Variants in RPF2 observed in about 807,000 individuals in gnomAD.
RPF2 encodes ribosome production factor 2 homolog, also known as brix domain containing 1.
RPF2 carries 21 observed loss-of-function variants against 38.9 expected under a neutral mutation model. That is an observed-to-expected ratio of 0.54 (90% CI 0.38 to 0.78). The LOEUF (loss-of-function observed/expected upper bound fraction) is 0.78. RPF2 is among the 30% of genes least tolerant of loss of function. RPF2 has a pLI of 0.00. For missense variants in RPF2, 314 were observed against 358.1 expected (o/e 0.88, Z 0.99); for synonymous variants, 121 against 126.2 (o/e 0.96, Z 0.28).
intron 8 of RPF2, among the ~76,000 whole-genome samples, chr6:111,020,019 A>G (rs935181977): frequency 4.0e-5 from 6 of 150,898 alleles, no homozygotes; most frequent in Admixed American, 3.3e-4. Flanking sequence ...GGTTCATGCC[A>G]TTCTCCTGCC....
In RPF2 at chr6:111,008,113, A is replaced by G. The variant is rs375387038; in HGVS notation, c.469A>G (p.Arg157Gly). ...TGATTTCGATGTAACAGAAGATTAT[A>G]GAAGACTAAAAAGTCTTCTTATTGG... The part of the protein sequence containing the change: ...GDDFDVTEDY[R>G]RLKSLLIDFF... The change falls in exon 7 of 10, where the codon AGA (arginine) becomes GGA (glycine). Residue 157 changes from arginine (R) to glycine (G), a missense_variant. Transcript: ENST00000441448. The G allele has an allele frequency of 4.4e-5, 71 of 1,602,702 alleles. No homozygotes were observed. Among genetic ancestry groups the G allele is most frequent in the Non-Finnish European group, 5.9e-5 (69 of 1,175,694 alleles).
intron 4 of RPF2, among the ~76,000 whole-genome samples, chr6:110,995,992 A>G (rs1013064911): frequency 1.3e-5 from 2 of 151,214 alleles, no homozygotes; most frequent in African/African-American, 4.9e-5. Flanking sequence ...AATTTTTTGT[A>G]TTTTTCTTAG....
At chr6:111,008,761 G>C (rs879706631) in intron 7 of RPF2, among the ~76,000 whole-genome samples, 11 of 151,840 alleles carry the variant, frequency 7.2e-5, no homozygotes, top group Admixed American at 2.6e-4. Context: ...CATTAGAAAG[G>C]GTTTATTGCC....
chr6:111,011,743 A>G (rs1772018289), intron 7 of RPF2, among the ~76,000 whole-genome samples: 1 of 152,196 alleles, frequency 6.6e-6, no homozygotes, highest in Non-Finnish European at 1.5e-5. Flanking sequence ...ACAATTTGTT[A>G]TAACAGAGAG....
rs1451221139 is a variant in RPF2 at position 111,025,778 on chromosome 6, T to C, written c.*196T>C. The stretch of plus-strand genomic sequence containing the variant: ...TTTTATTTGAGACATTACACCCTGG[T>C]GTGCCATTTTCTCTTGTGATATCCC... On this transcript the variant is annotated 3_prime_UTR_variant, in exon 10 of 10. Transcript: ENST00000441448. The C allele has an allele frequency of 2.6e-6, 1 of 386,388 alleles. No individual in the cohort carries two copies. Among genetic ancestry groups the C allele is most frequent in the African/African-American group, 2.1e-5 (1 of 48,544 alleles). The allele number at this position is 386,388 out of a possible 1,614,324, so 23.9% of individuals were successfully genotyped here.
intron 2 of RPF2, among the ~76,000 whole-genome samples, chr6:110,986,069 GAGAA>G (rs1370567448): frequency 4.6e-5 from 7 of 152,172 alleles, no homozygotes; most frequent in African/African-American, 1.7e-4. Context: ...CTCTGAGGCT[GAGAA>G]AGAAGTTTGT....
rs12209788 is a variant in RPF2 at position 111,001,881 on chromosome 6, T to A, written c.393+2094T>A. ...AACTAGACCACAGTCCAGGCTCTCATGCCTGTAAGCCCATCACTTTGGGAG... is the reference window on the plus strand; with the variant it reads ...AACTAGACCACAGTCCAGGCTCTCAAGCCTGTAAGCCCATCACTTTGGGAG... On this transcript the variant is annotated intron_variant, in intron 6 of 9. Transcript: ENST00000441448. Among the ~76,000 whole-genome samples, 4 of 152,328 alleles carry A rather than the reference T, an allele frequency of 2.6e-5. No individual in the cohort carries two copies. In the East Asian group the frequency reaches 7.7e-4, roughly 29 times the overall value.
chr6:111,007,666 C>T (rs1771935124), intron 6 of RPF2, among the ~76,000 whole-genome samples: 2 of 152,038 alleles, frequency 1.3e-5, no homozygotes, highest in Admixed American at 6.6e-5. Flanking sequence ...CAGTATAGGC[C>T]AGGCACAGTG....
intron 3 of RPF2, among the ~76,000 whole-genome samples, chr6:110,989,483 C>T (rs1330525172): frequency 6.6e-6 from 1 of 152,036 alleles, no homozygotes; most frequent in Non-Finnish European, 1.5e-5. Context: ...AGACGGAGTC[C>T]TGTTGTCGCC....
Position 110,987,030 on chromosome 6 carries a change from A to G in RPF2, c.156+1892A>G, listed in dbSNP as rs546671380. ...ACTAATTAGGCCTTGAGTACAGCCA[A>G]TAGATCTTTGAATTAAATCAATTAA... On this transcript the variant is annotated intron_variant, in intron 2 of 9. Transcript: ENST00000441448. Among the ~76,000 whole-genome samples the G allele has an allele frequency of 9.9e-5, 15 of 152,070 alleles. No homozygotes were observed. The South Asian group carries it at 2.3e-3, about 23-fold the overall frequency.
At chr6:111,002,752 T>C (rs1327067257) in intron 6 of RPF2, among the ~76,000 whole-genome samples, 1 of 151,312 alleles carries the variant, frequency 6.6e-6, no homozygotes, top group Non-Finnish European at 1.5e-5. Context: ...TTCCTACATG[T>C]ACTCAGACTT....
chr6:110,987,828 T>C (rs1327565956), intron 2 of RPF2, among the ~76,000 whole-genome samples: 1 of 152,162 alleles, frequency 6.6e-6, no homozygotes, highest in Non-Finnish European at 1.5e-5. Flanking sequence ...ATCTTTGTTA[T>C]TCTCTATGGT....
intron 8 of RPF2, 39 bp from the exon 9 acceptor site, chr6:111,024,144 A>G (rs1772281623): frequency 6.5e-7 from 1 of 1,542,528 alleles, no homozygotes; most frequent in East Asian, 2.3e-5. Flanking sequence ...GACTTTTATG[A>G]AAGTCAAAGC....
At chr6:110,991,323 C>T (rs751400145) in intron 3 of RPF2, among the ~76,000 whole-genome samples, 1 of 150,736 alleles carries the variant, frequency 6.6e-6, no homozygotes, top group Non-Finnish European at 1.5e-5. Context: ...GACGGGGTCT[C>T]ACTGTTACCC....
At chr6:110,989,536 T>G (rs1042937615) in intron 3 of RPF2, among the ~76,000 whole-genome samples, 1 of 152,076 alleles carries the variant, frequency 6.6e-6, no homozygotes, top group Non-Finnish European at 1.5e-5. Context: ...CTACAACCTC[T>G]AACTCTGGGT....
At chr6:110,988,175 C>T (rs911198144) in intron 2 of RPF2, among the ~76,000 whole-genome samples, 5 of 151,754 alleles carry the variant, frequency 3.3e-5, no homozygotes, top group Non-Finnish European at 7.4e-5. Context: ...TGCACTCCAG[C>T]CTGGGCAACA....
intron 3 of RPF2, among the ~76,000 whole-genome samples, chr6:110,990,029 C>T (rs1262547803): frequency 1.3e-5 from 2 of 151,848 alleles, no homozygotes; most frequent in Non-Finnish European, 2.9e-5. Context: ...ACACCTGCCT[C>T]CTGGGTTCAA....
At chr6:110,989,607 G>A (rs1344264304) in intron 3 of RPF2, among the ~76,000 whole-genome samples, 3 of 149,738 alleles carry the variant, frequency 2.0e-5, no homozygotes, top group South Asian at 4.2e-4. Flanking sequence ...GTGCCACCAC[G>A]CCTGGCTAAT....
At chr6:111,017,435 G>GCGGA in intron 8 of RPF2, among the ~76,000 whole-genome samples, 1 of 145,356 alleles carries the variant, frequency 6.9e-6, no homozygotes, top group South Asian at 2.2e-4. Context: ...TGCCGGATGG[G>GCGGA]GGGGCTCCTC....
Sources: allele counts gnomAD v4.1 joint callset (sites outside exome capture counted in the v4.1 genomes callset), GRCh38; gene constraint gnomAD v4.1.1; transcripts MANE v1.5; gene names NCBI Gene and HGNC (gene_info 2026-07-23, HGNC 2026-07-21).